FRMD4B: variants seen among roughly 807,000 people sequenced by gnomAD.
FRMD4B encodes the protein FERM domain containing 4B, also known as FERM domain-containing protein 4B.
A neutral mutation model predicts 141.5 loss-of-function variants in FRMD4B; 74 were observed. That is an observed-to-expected ratio of 0.52 (90% confidence interval 0.43 to 0.63). The LOEUF (loss-of-function observed/expected upper bound fraction) is 0.63, where lower values mean the gene tolerates loss of function less well. Ranked by LOEUF, FRMD4B falls within the 30% of genes least tolerant of loss-of-function variation. The pLI, the probability that FRMD4B is intolerant of heterozygous loss-of-function variation, is 0.00. For synonymous variants in FRMD4B, 506 were observed against 467.9 expected (o/e 1.08, Z -1.05); for missense variants, 1,366 against 1,253.4 (o/e 1.09, Z -1.36).
intron 2 of FRMD4B, among the ~76,000 whole-genome samples, chr3:69,423,532 C>G (rs1276157260): frequency 6.6e-6 from 1 of 152,126 alleles, no homozygotes; most frequent in Non-Finnish European, 1.5e-5. Context: ...GTTTAAAATG[C>G]CCCCTAAGCA....
At chr3:69,391,251 T>TA (rs1412852578) in intron 2 of FRMD4B, among the ~76,000 whole-genome samples, 8 of 151,720 alleles carry the variant, frequency 5.3e-5, no homozygotes, top group Admixed American at 1.3e-4. Context: ...TATTTTTATT[T>TA]TTTTTTATTA....
At chr3:69,313,358 G>T in intron 2 of FRMD4B, 94 bp downstream of exon 2, 1 of 780,512 alleles carries the variant, frequency 1.3e-6, no homozygotes, top group African/African-American at 1.7e-5. Flanking sequence ...AGACTATGAG[G>T]CTCAGAGAGG....
intron 5 of FRMD4B, among the ~76,000 whole-genome samples, chr3:69,265,254 CAAA>C (rs1170675639): frequency 1.8e-3 from 15 of 8,404 alleles, no homozygotes; most frequent in Admixed American, 0.01. Context: ...GACTCCATCT[CAAA>C]AAAAAAAAAA....
intron 1 of FRMD4B, among the ~76,000 whole-genome samples, chr3:69,534,527 C>T (rs540806058): frequency 6.6e-6 from 1 of 152,286 alleles, no homozygotes; most frequent in Admixed American, 6.5e-5. Flanking sequence ...GTATCTGTGC[C>T]TACTCAGCAT....
intron 5 of FRMD4B, among the ~76,000 whole-genome samples, chr3:69,252,409 T>C (rs1174947470): frequency 1.3e-5 from 2 of 151,888 alleles, no homozygotes; most frequent in Non-Finnish European, 2.9e-5. Context: ...GGTGAAGGAG[T>C]GGGCTCTAGC....
rs2092583652 is a variant in FRMD4B, at chr3:69,171,240, A to G, written c.*621T>C. Reference sequence around the variant, plus strand: ...AAGGTAATCAGTTTTTCCAGAACCCATTTTATGGTGCTTATGAAAAACATC... The same window carrying G: ...AAGGTAATCAGTTTTTCCAGAACCCGTTTTATGGTGCTTATGAAAAACATC... On this transcript the variant is annotated 3_prime_UTR_variant, in exon 23 of 23. Coordinates refer to ENST00000398540, the MANE Select transcript of FRMD4B (RefSeq NM_015123.3). 6.6e-6 allele frequency: 1 copy of G among 152,204 alleles called. No homozygotes were observed. The highest frequency in any genetic ancestry group is 6.5e-5 in the Admixed American group (1 of 15,278). The allele number at this position is 152,204 out of a possible 1,614,324, so 9.4% of individuals were successfully genotyped here.
intron 4 of FRMD4B, among the ~76,000 whole-genome samples, chr3:69,297,976 T>C (rs1232506184): frequency 6.6e-6 from 1 of 152,226 alleles, no homozygotes; most frequent in Non-Finnish European, 1.5e-5. Flanking sequence ...TACATGCCTT[T>C]GCTTTAAATA....
At position 69,359,288 on chromosome 3, in the gene FRMD4B, G is replaced by A. The variant is rs532455520; in HGVS notation, c.162+26540C>T. Among the ~76,000 whole-genome samples the A allele has an allele frequency of 1.1e-3, 171 of 152,278 alleles. 2 individuals carry two copies. Among genetic ancestry groups the A allele is most frequent in the African/African-American group, 3.9e-3 (160 of 41,554 alleles). On this transcript the variant is annotated intron_variant, in intron 1 of 22. Coordinates refer to ENST00000398540, the MANE Select transcript of FRMD4B (RefSeq NM_015123.3). ...AGTGAGCTCCTGGATTAAGACTGGA[G>A]GTCAGGAAAGAGCCAGCCACAGGTT... is the stretch of plus-strand genomic sequence containing the variant.
At chr3:69,182,480 TA>T in intron 20 of FRMD4B, 117 bp downstream of exon 20, 2 of 934,376 alleles carry the variant, frequency 2.1e-6, no homozygotes, top group South Asian at 4.3e-5. Context: ...TGTAAAACCA[TA>T]AAACAAGGTC....
At position 69,181,692 on chromosome 3, in the gene FRMD4B, C is replaced by T. The variant is rs755369529; in HGVS notation, c.2058G>A (p.Gln686=). The T allele has an allele frequency of 3.1e-6, 5 of 1,611,496 alleles. No homozygotes were observed. The highest frequency in any genetic ancestry group is 2.2e-5 in the East Asian group (1 of 44,850). ...SSHLEPESSS[Q]HCRQRSGSLE... is the part of the protein sequence containing the mutation. Reference sequence around the variant, plus strand: ...GGCTTCCACTCCGCTGGCGGCAGTGCTGAGATGAAGATTCGGGTCTGAAAG... The same window carrying T: ...GGCTTCCACTCCGCTGGCGGCAGTGTTGAGATGAAGATTCGGGTCTGAAAG... The change falls in exon 21 of 23, where the codon CAG becomes CAA. Residue 686 remains glutamine, a synonymous_variant. Transcript: ENST00000398540.
intron 1 of FRMD4B, among the ~76,000 whole-genome samples, chr3:69,513,040 C>T (rs892574856): frequency 6.6e-6 from 1 of 150,824 alleles, no homozygotes; most frequent in Non-Finnish European, 1.5e-5. Context: ...GCAAAGCTAA[C>T]CAAAGGAAGG....
At chr3:69,474,644 T>G (rs1011283829) in intron 1 of FRMD4B, among the ~76,000 whole-genome samples, 8 of 152,258 alleles carry the variant, frequency 5.3e-5, no homozygotes, top group Non-Finnish European at 8.8e-5. Context: ...GAATTACAAT[T>G]AGAAGATATG....
rs1553696831 is a variant in FRMD4B at position 69,188,775 on chromosome 3, A to AAAAAAAAAAACAAAC, written c.1772-859_1772-858insGTTTGTTTTTTTTTT. On this transcript the variant is annotated intron_variant, in intron 18 of 22. Transcript: ENST00000398540. ...CGAGACTCCGTCTCAAAAAAAAAAAAAAAAAAAAACTTGGGGAAGATAAAG... is the reference window on the plus strand; with the variant it reads ...CGAGACTCCGTCTCAAAAAAAAAAAAAAAAAAAAAACAAACAAAAAAAAACTTGGGGAAGATAAAG... 1.7e-4 allele frequency among the ~76,000 whole-genome samples: 25 copies of AAAAAAAAAAACAAAC among 148,198 alleles called. No homozygotes were observed. In the East Asian group the frequency reaches 4.5e-3, roughly 27 times the overall value.
At chr3:69,234,073 C>G (rs1002324341) in intron 7 of FRMD4B, among the ~76,000 whole-genome samples, 4 of 152,036 alleles carry the variant, frequency 2.6e-5, no homozygotes, top group African/African-American at 9.7e-5. Flanking sequence ...TGGTGAAACT[C>G]CGTCTCTACT....
chr3:69,294,700 C>T (rs1332116205), intron 4 of FRMD4B, among the ~76,000 whole-genome samples: 1 of 152,112 alleles, frequency 6.6e-6, no homozygotes, highest in Non-Finnish European at 1.5e-5. Flanking sequence ...TGTGACCTGC[C>T]AGGAAGGGGA....
intron 5 of FRMD4B, among the ~76,000 whole-genome samples, chr3:69,265,172 T>A (rs6785792): frequency 1.4e-5 from 2 of 138,484 alleles, no homozygotes; most frequent in Admixed American, 7.4e-5. Flanking sequence ...GGAGAATTGC[T>A]TGAACCCAGG....
chr3:69,226,897 CT>C (rs2107768059), intron 7 of FRMD4B, among the ~76,000 whole-genome samples: 1 of 152,286 alleles, frequency 6.6e-6, no homozygotes, highest in Non-Finnish European at 1.5e-5. Flanking sequence ...TGACTTGAAG[CT>C]GTTGTCCTTA....
chr3:69,381,751 A>G (rs1704125815), intron 1 of FRMD4B, among the ~76,000 whole-genome samples: 1 of 152,196 alleles, frequency 6.6e-6, no homozygotes, highest in African/African-American at 2.4e-5. Flanking sequence ...CTTTGTACTT[A>G]TCTTGAAAAA....
intron 9 of FRMD4B, among the ~76,000 whole-genome samples, chr3:69,220,741 C>T (rs907779208): frequency 6.6e-6 from 1 of 152,146 alleles, no homozygotes; most frequent in African/African-American, 2.4e-5. Flanking sequence ...ATCATCCCAG[C>T]TACTCAGGAG....
Sources: allele counts gnomAD v4.1 joint callset (sites outside exome capture counted in the v4.1 genomes callset), GRCh38; gene constraint gnomAD v4.1.1; transcripts MANE v1.5; gene names NCBI Gene and HGNC (gene_info 2026-07-23, HGNC 2026-07-21).